Variants in PPARGC1A observed in about 807,000 individuals in gnomAD.
PPARGC1A encodes the protein PPARG coactivator 1 alpha.
A neutral mutation model predicts 88.7 loss-of-function variants in PPARGC1A; 25 were observed. That is an observed-to-expected ratio of 0.28 (90% CI 0.21 to 0.39). The LOEUF (loss-of-function observed/expected upper bound fraction) is 0.39. Ranked by LOEUF, PPARGC1A falls within the 10% of genes least tolerant of loss-of-function variation. PPARGC1A has a pLI of 1.00. For missense variants in PPARGC1A, 880 were observed against 968.7 expected, an observed-to-expected ratio of 0.91 and a Z score of 1.22; for synonymous variants, 363 against 355.6, an observed-to-expected ratio of 1.02 and a Z score of -0.24.
At chr4:24,238,817 ATGCTAAG>A in the PPARGC1A span, among the ~76,000 whole-genome samples, 23 of 150,536 alleles carry the variant, frequency 1.5e-4, no homozygotes, top group Admixed American at 1.3e-3. Flanking sequence ...CCATATCCAC[ATGCTAAG>A]TGCTAAGTGT....
At chr4:24,004,817 G>A in the PPARGC1A span, among the ~76,000 whole-genome samples, 26 of 152,230 alleles carry the variant, frequency 1.7e-4, no homozygotes, top group East Asian at 4.4e-3. Context: ...TTGAATCCTG[G>A]CTCTCCTCCT....
the PPARGC1A span, among the ~76,000 whole-genome samples, chr4:24,327,400 C>A: frequency 6.6e-6 from 1 of 152,178 alleles, no homozygotes; most frequent in Admixed American, 6.5e-5. Flanking sequence ...CCCCAAACTG[C>A]CACTCTTAAC....
At chr4:23,811,343 C>T (rs889421162) in intron 10 of PPARGC1A, among the ~76,000 whole-genome samples, 1 of 152,044 alleles carries the variant, frequency 6.6e-6, no homozygotes. Context: ...AATCATTTCC[C>T]TAAGCCTTGG....
At chr4:23,832,601 TTTTTC>T (rs1279352327) in intron 2 of PPARGC1A, among the ~76,000 whole-genome samples, 1 of 149,028 alleles carries the variant, frequency 6.7e-6, no homozygotes, top group African/African-American at 2.5e-5. Context: ...TTTCTTTTTC[TTTTTC>T]TTTTTCTTTT....
the PPARGC1A span, among the ~76,000 whole-genome samples, chr4:23,919,922 G>C: frequency 4.9e-3 from 751 of 152,244 alleles, 36 homozygotes; most frequent in East Asian, 0.1. Context: ...TCCGCTAAGA[G>C]GATATAACAG....
chr4:24,051,505 A>G, the PPARGC1A span, among the ~76,000 whole-genome samples: 2 of 152,186 alleles, frequency 1.3e-5, no homozygotes, highest in Non-Finnish European at 2.9e-5. Flanking sequence ...GTTAAGTGCT[A>G]TTTATACCCA....
chr4:24,179,406 C>G, the PPARGC1A span, among the ~76,000 whole-genome samples: 2 of 152,178 alleles, frequency 1.3e-5, no homozygotes, highest in Admixed American at 1.3e-4. Context: ...TTGGGACTTG[C>G]TTTGACCCAT....
chr4:24,132,479 C>T, the PPARGC1A span, among the ~76,000 whole-genome samples: 22 of 152,174 alleles, frequency 1.4e-4, no homozygotes, highest in African/African-American at 5.1e-4. Context: ...AATACAGCAG[C>T]TGCTAACAAC....
the PPARGC1A span, among the ~76,000 whole-genome samples, chr4:24,269,655 C>G: frequency 5.1e-5 from 4 of 77,988 alleles, no homozygotes; most frequent in Admixed American, 3.8e-4. Context: ...CATCATCACA[C>G]TTTATTATCA....
At chr4:24,380,906 T>C in the PPARGC1A span, among the ~76,000 whole-genome samples, 4 of 150,314 alleles carry the variant, frequency 2.7e-5, no homozygotes, top group Non-Finnish European at 5.9e-5. Context: ...GCAGGCTGCA[T>C]GGATTAGTAA....
At chr4:24,012,690 G>A in the PPARGC1A span, among the ~76,000 whole-genome samples, 6 of 152,048 alleles carry the variant, frequency 3.9e-5, no homozygotes, top group Admixed American at 3.9e-4. Flanking sequence ...AAAACCTTAG[G>A]AAATCTTTAC....
chr4:24,162,008 A>G, the PPARGC1A span, among the ~76,000 whole-genome samples: 1 of 121,084 alleles, frequency 8.3e-6, no homozygotes, highest in South Asian at 2.8e-4. Flanking sequence ...ACACACACAC[A>G]CACACCATGG....
the PPARGC1A span, among the ~76,000 whole-genome samples, chr4:24,214,475 G>T: frequency 6.6e-6 from 1 of 152,204 alleles, no homozygotes; most frequent in Admixed American, 6.5e-5. Flanking sequence ...GTCTTGGGAA[G>T]ATATTGGCAA....
intron 2 of PPARGC1A, chr4:23,881,914 C>T (rs1000811748): frequency 6.6e-6 from 1 of 152,214 alleles, no homozygotes; most frequent in Non-Finnish European, 1.5e-5. Flanking sequence ...GTAGAAGCAA[C>T]ACAAACCTGT....
chr4:23,930,389 G>A, the PPARGC1A span, among the ~76,000 whole-genome samples: 4 of 152,066 alleles, frequency 2.6e-5, no homozygotes, highest in Non-Finnish European at 4.4e-5. Context: ...GGGGAGTAAC[G>A]CCTTCTGACC....
At chr4:24,247,440 CCA>C in the PPARGC1A span, among the ~76,000 whole-genome samples, 1 of 152,168 alleles carries the variant, frequency 6.6e-6, no homozygotes, top group African/African-American at 2.4e-5. Flanking sequence ...CTATATTTCA[CCA>C]GATAATTATC....
chr4:23,818,993 A>T (rs1162649284), intron 7 of PPARGC1A, among the ~76,000 whole-genome samples: 1 of 151,670 alleles, frequency 6.6e-6, no homozygotes, highest in Non-Finnish European at 1.5e-5. Flanking sequence ...AAATTAGGAG[A>T]TGAGTTTCTA....
At chr4:24,070,261 G>T in the PPARGC1A span, among the ~76,000 whole-genome samples, 1 of 152,134 alleles carries the variant, frequency 6.6e-6, no homozygotes, top group African/African-American at 2.4e-5. Flanking sequence ...GAGTCCTTCT[G>T]ACATATGAGA....
chr4:24,265,231 C>T, the PPARGC1A span, among the ~76,000 whole-genome samples: 116 of 152,218 alleles, frequency 7.6e-4, 1 homozygote, highest in Admixed American at 1.6e-3. Flanking sequence ...CAGACTTGGG[C>T]GTATTTTTGT....
Sources: gnomAD v4.1 joint callset for allele counts (sites outside exome capture counted in the v4.1 genomes callset) on GRCh38, gnomAD v4.1.1 for gene constraint, MANE v1.5 for transcripts, NCBI Gene and HGNC (gene_info 2026-07-23, HGNC 2026-07-21) for gene names.